SLC35D4: variants seen among roughly 807,000 people sequenced by gnomAD.
SLC35D4 encodes the protein UDP-N-acetylglucosamine transporter SLC35D4.
the SLC35D4 span, among the ~76,000 whole-genome samples, chr18:23,346,414 C>T: frequency 6.6e-6 from 1 of 152,168 alleles, no homozygotes; most frequent in African/African-American, 2.4e-5. Context: ...GCCACCACAC[C>T]CTGCCTTCAA....
the SLC35D4 span, among the ~76,000 whole-genome samples, chr18:23,359,209 A>AC: frequency 6.6e-6 from 1 of 152,102 alleles, no homozygotes; most frequent in Non-Finnish European, 1.5e-5. Flanking sequence ...AGATGGTGAA[A>AC]CCCCATCTCT....
At chr18:23,293,925 G>C in the SLC35D4 span, among the ~76,000 whole-genome samples, 1 of 152,044 alleles carries the variant, frequency 6.6e-6, no homozygotes, top group Non-Finnish European at 1.5e-5. Context: ...CTGAGTAGCT[G>C]GGACTTACAG....
At chr18:23,336,517 T>C in the SLC35D4 span, among the ~76,000 whole-genome samples, 784 of 152,350 alleles carry the variant, frequency 5.1e-3, 8 homozygotes, top group African/African-American at 0.018. Context: ...TTTTTAAGCA[T>C]GGTCTTTCAA....
the SLC35D4 span, among the ~76,000 whole-genome samples, chr18:23,340,698 T>C: frequency 1.3e-5 from 2 of 152,098 alleles, no homozygotes; most frequent in Non-Finnish European, 2.9e-5. Flanking sequence ...CTTCGGGACA[T>C]GAGATGGTGG....
the SLC35D4 span, among the ~76,000 whole-genome samples, chr18:23,266,263 G>A: frequency 1.3e-5 from 2 of 152,196 alleles, no homozygotes; most frequent in Admixed American, 1.3e-4. Flanking sequence ...GCCAGCCCAT[G>A]CCTGCTGGGG....
chr18:23,264,940 C>T, the SLC35D4 span, among the ~76,000 whole-genome samples: 2 of 152,138 alleles, frequency 1.3e-5, no homozygotes, highest in African/African-American at 2.4e-5. Context: ...CCACCGTGCC[C>T]GGCCTACACT....
At chr18:23,352,131 AG>A in the SLC35D4 span, 1 of 1,421,420 alleles carries the variant, frequency 7.0e-7, no homozygotes, top group South Asian at 1.3e-5. Context: ...CACATTACCC[AG>A]GTTCTGAGAT....
At chr18:23,392,040 C>T in the SLC35D4 span, among the ~76,000 whole-genome samples, 3 of 151,426 alleles carry the variant, frequency 2.0e-5, no homozygotes, top group Non-Finnish European at 2.9e-5. Flanking sequence ...TGGGTTCAAG[C>T]GATTCTCCTG....
At chr18:23,354,011 C>T in the SLC35D4 span, among the ~76,000 whole-genome samples, 1 of 152,212 alleles carries the variant, frequency 6.6e-6, no homozygotes, top group Non-Finnish European at 1.5e-5. Context: ...CATGGCTCTT[C>T]AGATCTCTGG....
chr18:23,384,985 T>C, the SLC35D4 span: 1,806 of 1,613,280 alleles, frequency 1.1e-3, 5 homozygotes, highest in Non-Finnish European at 1.4e-3. Flanking sequence ...TGCATGATCG[T>C]TTACCTCTTT....
the SLC35D4 span, among the ~76,000 whole-genome samples, chr18:23,247,171 C>T: frequency 5.1e-3 from 771 of 152,368 alleles, 8 homozygotes; most frequent in South Asian, 0.023. Context: ...GAGAGGATGC[C>T]ATCTCTTGGC....
chr18:23,387,083 T>C, the SLC35D4 span, among the ~76,000 whole-genome samples: 5 of 152,164 alleles, frequency 3.3e-5, no homozygotes, highest in Non-Finnish European at 7.4e-5. Flanking sequence ...TTAATTTTTG[T>C]ATTTTTTTAG....
chr18:23,431,469 T>C, the SLC35D4 span, among the ~76,000 whole-genome samples: 5 of 152,362 alleles, frequency 3.3e-5, no homozygotes. Context: ...AATCCAATCC[T>C]TTCTTTGTTT....
At chr18:23,299,850 C>T in the SLC35D4 span, among the ~76,000 whole-genome samples, 3 of 152,200 alleles carry the variant, frequency 2.0e-5, no homozygotes, top group Admixed American at 2.0e-4. Flanking sequence ...TGCCTAGTAC[C>T]TTACTCCAAG....
At chr18:23,390,666 A>C in the SLC35D4 span, among the ~76,000 whole-genome samples, 1 of 152,138 alleles carries the variant, frequency 6.6e-6, no homozygotes. Flanking sequence ...ATGGTTTCCC[A>C]TGGAAAGTCT....
At chr18:23,318,252 C>A in the SLC35D4 span, among the ~76,000 whole-genome samples, 1 of 152,140 alleles carries the variant, frequency 6.6e-6, no homozygotes, top group Non-Finnish European at 1.5e-5. Flanking sequence ...GGAGAACTGT[C>A]TAGATCCCTT....
At chr18:23,363,365 T>A in the SLC35D4 span, among the ~76,000 whole-genome samples, 3 of 52,382 alleles carry the variant, frequency 5.7e-5, no homozygotes, top group South Asian at 7.6e-4. Context: ...CAAAAGCACA[T>A]TTTTTTTTTT....
the SLC35D4 span, among the ~76,000 whole-genome samples, chr18:23,362,312 A>AG: frequency 3.9e-5 from 6 of 152,316 alleles, no homozygotes; most frequent in Admixed American, 6.5e-5. Flanking sequence ...AGTAAAGTGT[A>AG]GGGGGACTGG....
At chr18:23,391,888 ATCTCT>A in the SLC35D4 span, among the ~76,000 whole-genome samples, 3 of 151,744 alleles carry the variant, frequency 2.0e-5, no homozygotes, top group African/African-American at 7.3e-5. Flanking sequence ...TATGTGCTAA[ATCTCT>A]CTGTGACATC....
Sources: allele counts gnomAD v4.1 joint callset (sites outside exome capture counted in the v4.1 genomes callset), GRCh38; gene constraint gnomAD v4.1.1; transcripts MANE v1.5; gene names NCBI Gene and HGNC (gene_info 2026-07-23, HGNC 2026-07-21).